The following ERO1A variants were observed in gnomAD, a reference collection of about 807,000 sequenced individuals.
ERO1A encodes ERO1-like protein alpha.
A neutral mutation model predicts 76.9 loss-of-function variants in ERO1A; 49 were observed. The observed-to-expected ratio is 0.64, with a 90% CI of 0.51 to 0.81. The LOEUF is 0.81. Among genes scored for constraint, ERO1A ranks in the 30% least tolerant of loss-of-function variants. The probability of loss-of-function intolerance (pLI) is 0.00; values close to 1 mark genes in which losing one functional copy is unlikely to be tolerated. For synonymous variants in ERO1A, 174 were observed against 181.2 expected (o/e 0.96, Z 0.32); for missense variants, 448 against 542.1 (o/e 0.83, Z 1.72).
In ERO1A at chr14:52,639,971, A is replaced by T. The variant is rs2039418698; in HGVS notation, c.*3599T>A. 1 of 152,198 alleles carries T rather than the reference A, an allele frequency of 6.6e-6. No homozygotes were observed. The highest frequency in any genetic ancestry group is 2.4e-5 in the African/African-American group (1 of 41,454). The allele number at this position is 152,198 out of a possible 1,614,324, so 9.4% of individuals were successfully genotyped here. A position where few individuals can be genotyped will look rare whatever the true frequency, so the allele number is the denominator to read the frequency against. On this transcript the variant is annotated 3_prime_UTR_variant, in exon 16 of 16. Coordinates refer to ENST00000395686, the MANE Select transcript of ERO1A (RefSeq NM_014584.3). ...AAAGTCTACAAATCCTTGGGACTCT[A>T]CTGACCCTTGCTGTAAAGTGAAGGG...
intron 9 of ERO1A, among the ~76,000 whole-genome samples, chr14:52,660,661 G>C (rs906827707): frequency 1.3e-5 from 2 of 152,176 alleles, no homozygotes. Flanking sequence ...TCAGAAAATA[G>C]AGGATTTTGA....
rs2039506452 is a variant in ERO1A, at chr14:52,642,423, T to C, written c.*1147A>G. ...ACCCTATTACTATACACATCAAGCATAAAACGGGCAACAAAACTCAAAAAG... is the reference window on the plus strand; with the variant it reads ...ACCCTATTACTATACACATCAAGCACAAAACGGGCAACAAAACTCAAAAAG... On this transcript the variant is annotated 3_prime_UTR_variant, in exon 16 of 16. Transcript: ENST00000395686. 1 of 152,040 alleles carries C rather than the reference T, an allele frequency of 6.6e-6. No homozygotes were observed. The highest frequency in any genetic ancestry group is 1.5e-5 in the Non-Finnish European group (1 of 67,994). 9.4% of individuals were successfully genotyped at this position (152,040 alleles called of 1,614,324 possible).
chr14:52,674,744 G>A (rs1041145662), intron 4 of ERO1A, among the ~76,000 whole-genome samples: 19 of 152,188 alleles, frequency 1.2e-4, no homozygotes, highest in African/African-American at 4.1e-4. Flanking sequence ...TGAATGGAAT[G>A]GGTATGAGGA....
At chr14:52,682,946 G>A (rs528528734) in intron 2 of ERO1A, among the ~76,000 whole-genome samples, 93 of 151,880 alleles carry the variant, frequency 6.1e-4, no homozygotes, top group Non-Finnish European at 1.1e-3. Context: ...GGTGGCTGGC[G>A]CCTGTAATCC....
chr14:52,680,315 T>C (rs2040951338), intron 3 of ERO1A, among the ~76,000 whole-genome samples: 1 of 152,176 alleles, frequency 6.6e-6, no homozygotes, highest in African/African-American at 2.4e-5. Context: ...GGATTTACAA[T>C]GAAATACATC....
intron 9 of ERO1A, among the ~76,000 whole-genome samples, chr14:52,659,748 G>T (rs2040168856): frequency 6.6e-6 from 1 of 151,088 alleles, no homozygotes; most frequent in Non-Finnish European, 1.5e-5. Context: ...GGGAGTTAGG[G>T]GATAATACTG....
chr14:52,681,403 G>T (rs2040989165), intron 3 of ERO1A, among the ~76,000 whole-genome samples: 1 of 152,084 alleles, frequency 6.6e-6, no homozygotes, highest in Non-Finnish European at 1.5e-5. Context: ...AGACCAGCCT[G>T]ACCAGCATGG....
In ERO1A at chr14:52,682,373, G is replaced by A. The variant is rs551702654; in HGVS notation, c.270C>T (p.Asp90=). The A allele has an allele frequency of 1.9e-6, 3 of 1,612,236 alleles. No individual in the cohort carries two copies. The highest frequency in any genetic ancestry group is 2.2e-5 in the East Asian group (1 of 44,834). ...AGTCCCTTCTTCCACACTGGCTGAT[G>A]TCATTCCAGAAAGGACACGGCCTCT... ...NLKRPCPFWN[D]ISQCGRRDCA... The change falls in exon 3 of 16, where the codon GAC becomes GAT. Residue 90 remains aspartate (D), a synonymous_variant. Coordinates refer to ENST00000395686, the MANE Select transcript of ERO1A (RefSeq NM_014584.3).
chr14:52,678,598 A>T, intron 3 of ERO1A, 126 bp from the exon 4 acceptor site: 1 of 732,078 alleles, frequency 1.4e-6, no homozygotes, highest in Non-Finnish European at 2.3e-6. Context: ...TTTTAACAGA[A>T]TAGGTAGTAT....
chr14:52,654,665 TA>T (rs760325033), intron 11 of ERO1A, among the ~76,000 whole-genome samples: 17 of 152,202 alleles, frequency 1.1e-4, no homozygotes, highest in Non-Finnish European at 2.2e-4. Flanking sequence ...AGTGAAGAAA[TA>T]AGATTGATTC....
At chr14:52,657,333 G>A (rs1438137712) in intron 11 of ERO1A, among the ~76,000 whole-genome samples, 1 of 152,148 alleles carries the variant, frequency 6.6e-6, no homozygotes, top group African/African-American at 2.4e-5. Context: ...CCCAGGCTAA[G>A]CCCCAGTTTT....
chr14:52,695,349 C>G lies in ERO1A; in HGVS notation c.114+19G>C. The G allele has an allele frequency of 7.1e-7, 1 of 1,416,330 alleles. No homozygotes were observed. Among genetic ancestry groups the G allele is most frequent in the Non-Finnish European group, 9.3e-7 (1 of 1,071,364 alleles). 87.7% of individuals were successfully genotyped at this position (1,416,330 alleles called of 1,614,324 possible). A position where few individuals can be genotyped will look rare whatever the true frequency, so the allele number is the denominator to read the frequency against. ...CGGAGGGCGCCGGGACCCTCAGCAC[C>G]AACGCGCACATCGCTCACCTGGCAG... On this transcript the variant is annotated intron_variant, in intron 1 of 15. Transcript: ENST00000395686.
At chr14:52,645,369 C>A (rs1190638878) in intron 15 of ERO1A, among the ~76,000 whole-genome samples, 2 of 137,994 alleles carry the variant, frequency 1.4e-5, no homozygotes, top group East Asian at 4.2e-4. Flanking sequence ...GTGGTATGAT[C>A]TCGGCTCACT....
chr14:52,671,419 G>GT (rs894815396), intron 6 of ERO1A, among the ~76,000 whole-genome samples: 2 of 151,988 alleles, frequency 1.3e-5, no homozygotes, highest in Admixed American at 1.3e-4. Flanking sequence ...TAGAAACTGA[G>GT]TTTTTTTCTT....
chr14:52,682,219 C>T, intron 3 of ERO1A, 106 bp downstream of exon 3: 2 of 819,420 alleles, frequency 2.4e-6, no homozygotes, highest in East Asian at 2.8e-5. Flanking sequence ...CATAGTGAAA[C>T]CTCATCTCTA....
rs34558958 is a variant in ERO1A at position 52,646,210 on chromosome 14, A to G, written c.1290T>C (p.Ser430=). 3.2e-3 allele frequency: 5,141 copies of G among 1,613,778 alleles called. 136 individuals carry two copies. The African/African-American group carries it at 0.061, about 19-fold the overall frequency. ...CTTGTCTGGTTAGATGGAATTCATA[A>G]CTAGGTCCACTTTCTGGCATATTTG... The part of the protein sequence containing the change: ...LIANMPESGP[S]YEFHLTRQEI... Residue 430 remains serine (S), a synonymous_variant, in exon 15 of 16, where the codon AGT becomes AGC. Coordinates refer to ENST00000395686, the MANE Select transcript of ERO1A (RefSeq NM_014584.3).
chr14:52,663,782 A>T lies in ERO1A; in HGVS notation c.676+19T>A. On this transcript the variant is annotated intron_variant, in intron 8 of 15. Transcript: ENST00000395686. ...TCCCTGGCTGAGAAATAATATAACA[A>T]CGCAAATAAGTAATTTACCTTGACC... 6.9e-7 allele frequency: 1 copy of T among 1,458,106 alleles called. No homozygotes were observed. The highest frequency in any genetic ancestry group is 9.6e-7 in the Non-Finnish European group (1 of 1,040,156). The allele number at this position is 1,458,106 out of a possible 1,614,324, so 90.3% of individuals were successfully genotyped here.
intron 4 of ERO1A, among the ~76,000 whole-genome samples, chr14:52,677,800 T>G (rs943220289): frequency 6.8e-6 from 1 of 146,446 alleles, no homozygotes; most frequent in African/African-American, 2.5e-5. Context: ...GAGTTCAAGG[T>G]TACAGTGAGC....
At chr14:52,664,406 A>G (rs1157841910) in intron 7 of ERO1A, among the ~76,000 whole-genome samples, 1 of 152,172 alleles carries the variant, frequency 6.6e-6, no homozygotes, top group African/African-American at 2.4e-5. Context: ...CTATGTCATT[A>G]AAGTGCTTTT....
Sources: allele counts gnomAD v4.1 joint callset (sites outside exome capture counted in the v4.1 genomes callset), GRCh38; gene constraint gnomAD v4.1.1; transcripts MANE v1.5; gene names NCBI Gene and HGNC (gene_info 2026-07-23, HGNC 2026-07-21).